IFT20: variants seen among roughly 807,000 people sequenced by gnomAD.
The protein encoded by IFT20 is intraflagellar transport protein 20 homolog.
Under a neutral mutation model 16.9 loss-of-function variants are expected in IFT20, and 4 were observed. The ratio of observed to expected loss-of-function variants is 0.24; its 90% confidence interval spans 0.12 to 0.54. The LOEUF is 0.54. IFT20 is among the 20% of genes least tolerant of loss of function. The probability of loss-of-function intolerance (pLI) is 0.95; values close to 1 mark genes in which losing one functional copy is unlikely to be tolerated. For synonymous variants in IFT20, 48 were observed against 49.9 expected (o/e 0.96, Z 0.16); for missense variants, 154 against 149.7 (o/e 1.03, Z -0.15).
chr17:28,330,388 G>A (rs377241304), intron 3 of IFT20, 55 bp downstream of exon 3: 107 of 1,153,318 alleles, frequency 9.3e-5, no homozygotes, highest in Non-Finnish European at 6.8e-5. Flanking sequence ...GGGATGAGAG[G>A]GTAGTGAACT....
chr17:28,330,343 G>A (rs1906681122), intron 3 of IFT20, 100 bp downstream of exon 3: 2 of 837,304 alleles, frequency 2.4e-6, no homozygotes, highest in Non-Finnish European at 4.2e-6. Context: ...CACCCACCCA[G>A]CCCTCTACCC....
intron 1 of IFT20, among the ~76,000 whole-genome samples, chr17:28,334,330 T>C (rs1044122564): frequency 3.9e-5 from 6 of 152,194 alleles, no homozygotes; most frequent in African/African-American, 9.6e-5. Context: ...AGCAAGGCAT[T>C]GCAGGCAGAA....
Position 28,328,574 on chromosome 17 carries a change from G to A in IFT20, c.*78C>T. The A allele has an allele frequency of 1.2e-6, 1 of 869,294 alleles. No individual in the cohort carries two copies. The highest frequency in any genetic ancestry group is 1.8e-6 in the Non-Finnish European group (1 of 541,956). 53.8% of individuals were successfully genotyped at this position (869,294 alleles called of 1,614,324 possible). A position where few individuals can be genotyped will look rare whatever the true frequency, so the allele number is the denominator to read the frequency against. Reference sequence around the variant, plus strand: ...ACATAGGTCATTGGTCAAGCCGCTGGAATGCTACAGAGGTTTTTTTGGTTT... The same window carrying A: ...ACATAGGTCATTGGTCAAGCCGCTGAAATGCTACAGAGGTTTTTTTGGTTT... On this transcript the variant is annotated 3_prime_UTR_variant, in exon 5 of 5. Coordinates refer to ENST00000395418, the MANE Select transcript of IFT20 (RefSeq NM_001267776.2).
chr17:28,334,931 G>A lies in IFT20; in HGVS notation c.-3+409C>T, dbSNP rs374309026. Among the ~76,000 whole-genome samples, 184 of 152,300 alleles carry A rather than the reference G, an allele frequency of 1.2e-3. 1 individual carries two copies. Among genetic ancestry groups the A allele is most frequent in the Admixed American group, 5.2e-3 (80 of 15,296 alleles). On this transcript the variant is annotated intron_variant, in intron 1 of 4. Transcript: ENST00000395418. ...GCTTAAAGAGATAGGTAAGATGGAA[G>A]AAGAGGTGCAGGGAAAGAGTTCACA...
At chr17:28,329,539 T>G in intron 3 of IFT20, 1 of 415,380 alleles carries the variant, frequency 2.4e-6, no homozygotes, top group Non-Finnish European at 4.3e-6. Flanking sequence ...GTGGTGCCAT[T>G]CAGCCTTGTG....
chr17:28,333,914 G>C (rs1226793581), intron 1 of IFT20, among the ~76,000 whole-genome samples: 1 of 152,188 alleles, frequency 6.6e-6, no homozygotes, highest in Middle Eastern at 3.4e-3. Flanking sequence ...CTGGGCAACA[G>C]AGTGAGACCC....
rs991620916 is a variant in IFT20, at chr17:28,331,894, A to G, written c.92T>C (p.Ile31Thr). The G allele has an allele frequency of 1.1e-5, 17 of 1,614,006 alleles. No individual in the cohort carries two copies. The highest frequency in any genetic ancestry group is 2.7e-5 in the African/African-American group (2 of 74,892). Residue 31 changes from isoleucine (I) to threonine (T), a missense_variant, in exon 2 of 5, where the codon ATA (isoleucine) becomes ACA (threonine). Transcript: ENST00000395418. ...VLDPEVTQQT[I>T]ELKEECKDFV... ...GTCTTTGCACTCTTCCTTCAGCTCT[A>G]TGGTCTGCTGGGTAACCTCTGGGTC...
chr17:28,331,856 C>G lies in IFT20; in HGVS notation c.127+3G>C. The G allele has an allele frequency of 6.2e-7, 1 of 1,614,218 alleles. No individual in the cohort carries two copies. The highest frequency in any genetic ancestry group is 8.5e-7 in the Non-Finnish European group (1 of 1,180,028). Reference sequence around the variant, plus strand: ...AGTGGCACTGTATCTCCCCAATACTCACTGTCCACAAAGTCTTTGCACTCT... The same window carrying G: ...AGTGGCACTGTATCTCCCCAATACTGACTGTCCACAAAGTCTTTGCACTCT... On this transcript the variant is annotated splice_donor_region_variant and intron_variant, in intron 2 of 4. Transcript: ENST00000395418.
rs782667917 is a variant in IFT20, at chr17:28,328,708, AC to A, written c.342del (p.Leu114PhefsTer4). The stretch of plus-strand genomic sequence containing the variant: ...TCATTTTGTTCTGCTTCTACTTTAC[AC>A]AAAGCTTCATATTCAACCCGATACC... ...LERYRVEYEA[L>X]CKVEAEQNEF... On this transcript the variant is annotated frameshift_variant, in exon 5 of 5. Transcript: ENST00000395418. LOFTEE classifies it high-confidence loss of function. 1 of 1,602,586 alleles carries A rather than the reference AC, an allele frequency of 6.2e-7. No homozygotes were observed. The highest frequency in any genetic ancestry group is 8.5e-7 in the Non-Finnish European group (1 of 1,175,324).
Position 28,331,947 on chromosome 17 carries a change from A to C in IFT20, c.39T>G (p.Phe13Leu). ...ACACCCTCAGCTTGTTCAGTTCATCAAAGTGTAGCCCTGCTTCACCCAGGA... is the reference window on the plus strand; with the variant it reads ...ACACCCTCAGCTTGTTCAGTTCATCCAAGTGTAGCCCTGCTTCACCCAGGA... ...KDILGEAGLH[F>L]DELNKLRVLD... The change falls in exon 2 of 5, where the codon TTT becomes TTG. Residue 13 changes from phenylalanine to leucine, a missense_variant. Coordinates refer to ENST00000395418, the MANE Select transcript of IFT20 (RefSeq NM_001267776.2). The C allele has an allele frequency of 6.2e-7, 1 of 1,614,236 alleles. No homozygotes were observed. Among genetic ancestry groups the C allele is most frequent in the Non-Finnish European group, 8.5e-7 (1 of 1,180,042 alleles).
intron 1 of IFT20, among the ~76,000 whole-genome samples, chr17:28,333,072 AACACACACACACACACACAC>A (rs56753724): frequency 2.1e-5 from 3 of 144,478 alleles, no homozygotes; most frequent in Non-Finnish European, 3.0e-5. Flanking sequence ...TCTGGCTCAA[AACACACACACACACACACAC>A]ACACACACAC....
chr17:28,330,159 C>A, intron 3 of IFT20: 1 of 626,600 alleles, frequency 1.6e-6, no homozygotes, highest in South Asian at 1.8e-5. Context: ...TCGCTTGAAT[C>A]TGAGAGGCAG....
intron 1 of IFT20, among the ~76,000 whole-genome samples, chr17:28,333,305 G>A (rs534446318): frequency 6.6e-6 from 1 of 152,198 alleles, no homozygotes; most frequent in Non-Finnish European, 1.5e-5. Flanking sequence ...GAGAAGTCCT[G>A]TTCTGAATGG....
Position 28,331,859 on chromosome 17 carries a change from T to C in IFT20, c.127A>G (p.Lys43Glu), listed in dbSNP as rs781970743. 19 of 1,614,102 alleles carry C rather than the reference T, an allele frequency of 1.2e-5. No homozygotes were observed. The African/African-American group carries it at 2.5e-4, about 22-fold the overall frequency. ...LKEECKDFVDKIGQFQKIVGG... is the reference protein window; with the variant it reads ...LKEECKDFVDEIGQFQKIVGG... ...GGCACTGTATCTCCCCAATACTCAC[T>C]GTCCACAAAGTCTTTGCACTCTTCC... is the stretch of plus-strand genomic sequence containing the variant. The change falls in exon 2 of 5, where the codon AAA (lysine) becomes GAA (glutamate). Residue 43 changes from lysine to glutamate, a missense_variant and splice_region_variant. Lys to Glu is a moderately conservative substitution (Grantham distance 56). Coordinates refer to ENST00000395418, the MANE Select transcript of IFT20 (RefSeq NM_001267776.2).
chr17:28,328,700 TA>T lies in IFT20; in HGVS notation c.350del (p.Val117GlufsTer24). The T allele has an allele frequency of 6.2e-7, 1 of 1,604,174 alleles. No homozygotes were observed. Among genetic ancestry groups the T allele is most frequent in the Non-Finnish European group, 8.5e-7 (1 of 1,176,264 alleles). Reference sequence around the variant, plus strand: ...CAATAAATTCATTTTGTTCTGCTTCTACTTTACACAAAGCTTCATATTCAAC... The same window carrying T: ...CAATAAATTCATTTTGTTCTGCTTCTCTTTACACAAAGCTTCATATTCAAC... ...YRVEYEALCK[V>X]EAEQNEFIDQ... On this transcript the variant is annotated frameshift_variant, in exon 5 of 5. Transcript: ENST00000395418. LOFTEE classifies it high-confidence loss of function.
chr17:28,332,096 G>A (rs782542666), intron 1 of IFT20, 109 bp from the exon 2 acceptor site: 1 of 1,603,842 alleles, frequency 6.2e-7, no homozygotes, highest in South Asian at 1.1e-5. Context: ...AAAAACCCAG[G>A]TGTTCCAAAG....
intron 1 of IFT20, among the ~76,000 whole-genome samples, chr17:28,334,850 G>A (rs1004521897): frequency 1.5e-4 from 23 of 152,222 alleles, no homozygotes; most frequent in Middle Eastern, 3.2e-3. Context: ...AGAAAAACAA[G>A]TCAGGCATGA....
intron 1 of IFT20, 177 bp from the exon 2 acceptor site, chr17:28,332,164 C>T (rs781965796): frequency 6.5e-7 from 1 of 1,541,066 alleles, no homozygotes; most frequent in South Asian, 1.2e-5. Context: ...CATCCAGGTT[C>T]CCTAGAGGAG....
At chr17:28,328,956 T>A (rs1906528186) in intron 4 of IFT20, 1 of 616,934 alleles carries the variant, frequency 1.6e-6, no homozygotes, top group Admixed American at 3.3e-5. Flanking sequence ...GACCCTTTCA[T>A]GCTCAAACTA....
Sources: allele counts gnomAD v4.1 joint callset (sites outside exome capture counted in the v4.1 genomes callset), GRCh38; gene constraint gnomAD v4.1.1; transcripts MANE v1.5; gene names NCBI Gene and HGNC (gene_info 2026-07-23, HGNC 2026-07-21).